The following SPEG variants were observed in gnomAD, a reference collection of about 807,000 sequenced individuals.
The protein encoded by SPEG is striated muscle enriched protein kinase.
SPEG carries 114 observed loss-of-function variants against 300.4 expected under a neutral mutation model. That is an observed-to-expected ratio of 0.38 (90% CI 0.33 to 0.44). The LOEUF (loss-of-function observed/expected upper bound fraction) is 0.44, where lower values mean the gene tolerates loss of function less well. Among genes scored for constraint, SPEG ranks in the 20% least tolerant of loss-of-function variants. The pLI is 1.00. For missense variants in SPEG, 4,201 were observed against 4,586.2 expected (o/e 0.92, Z 2.43); for synonymous variants, 1,964 against 2,018.9 (o/e 0.97, Z 0.73).
rs1694140292 is a variant in SPEG at position 219,493,367 on chromosome 2, A to G, written c.*581A>G. The G allele has an allele frequency of 5.6e-6, 2 of 358,252 alleles. No individual in the cohort carries two copies. Among genetic ancestry groups the G allele is most frequent in the Admixed American group, 3.6e-5 (1 of 27,808 alleles). 22.2% of individuals were successfully genotyped at this position (358,252 alleles called of 1,614,324 possible). ...AGCATCCCTCAGAGGAGAAATGTGGAGAGCTGGAGGCCAGCAGTCACTCAC... is the reference window on the plus strand; with the variant it reads ...AGCATCCCTCAGAGGAGAAATGTGGGGAGCTGGAGGCCAGCAGTCACTCAC... On this transcript the variant is annotated 3_prime_UTR_variant, in exon 41 of 41. Coordinates refer to ENST00000312358, the MANE Select transcript of SPEG (RefSeq NM_005876.5).
chr2:219,460,734 C>A, intron 6 of SPEG: 1 of 982,222 alleles, frequency 1.0e-6, no homozygotes, highest in South Asian at 4.7e-5. Context: ...CAGGCACCAC[C>A]TTCCTAGCCA....
chr2:219,450,986 G>C, intron 4 of SPEG, 150 bp from the exon 5 acceptor site: 1 of 746,576 alleles, frequency 1.3e-6, no homozygotes, highest in Non-Finnish European at 2.1e-6. Context: ...ACATTCAGGA[G>C]GCAGACCCTC....
intron 1 of SPEG, among the ~76,000 whole-genome samples, chr2:219,438,647 C>A (rs76172567): frequency 1.9e-3 from 284 of 152,306 alleles, no homozygotes; most frequent in Non-Finnish European, 2.6e-3. Context: ...AAGAGCAGAC[C>A]TGCACTAAAG....
In SPEG at chr2:219,441,274, G is replaced by A. The variant is rs1374703773; in HGVS notation, c.389-3379G>A. On this transcript the variant is annotated intron_variant, in intron 1 of 40. Transcript: ENST00000312358. The stretch of plus-strand genomic sequence containing the variant: ...ACACTGGCCAACTTTGTGAATAATG[G>A]GGGTACCTCTGTGCACCTTTGCTTG... 4.6e-5 allele frequency among the ~76,000 whole-genome samples: 7 copies of A among 152,152 alleles called. No individual in the cohort carries two copies. In the East Asian group the frequency reaches 1.3e-3, roughly 29 times the overall value.
Position 219,435,201 on chromosome 2 carries a change from G to A in SPEG, c.224G>A (p.Arg75His). ...AGCGGGACGCCCCAGCCCAGCCTCC[G>A]CTGGTTCCGGGATGGGCAGCTCCTG... ...VVSGTPQPSL[R>H]WFRDGQLLPA... The change falls in exon 1 of 41, where the codon CGC becomes CAC. Residue 75 changes from arginine to histidine, a missense_variant. Arg to His is a conservative substitution (Grantham distance 29, BLOSUM62 0). Transcript: ENST00000312358. 1.3e-6 allele frequency: 2 copies of A among 1,481,690 alleles called. No homozygotes were observed. The highest frequency in any genetic ancestry group is 1.3e-5 in the South Asian group (1 of 77,666). 91.8% of individuals were successfully genotyped at this position (1,481,690 alleles called of 1,614,324 possible).
rs2125565599 is a variant in SPEG, at chr2:219,485,369, C to T, written c.7633C>T (p.Leu2545Phe). Residue 2545 changes from leucine (L) to phenylalanine (F), a missense_variant, in exon 31 of 41, where the codon CTC becomes TTC. This residue lies in a region of SPEG where 1,578 missense variants were observed against 1,506.0 expected (regional missense o/e 1.05). Transcript: ENST00000312358. ...SSAPGESRSRLRWGFSRPRKD... is the reference protein window; with the variant it reads ...SSAPGESRSRFRWGFSRPRKD... ...AGCCCCAGGGGAAAGCCGAAGCCGG[C>T]TCCGCTGGGGCTTCTCTCGGCCGCG... is the stretch of plus-strand genomic sequence containing the variant. 1.2e-6 allele frequency: 2 copies of T among 1,606,838 alleles called. No homozygotes were observed. The highest frequency in any genetic ancestry group is 1.1e-5 in the South Asian group (1 of 90,386).
At chr2:219,467,085 G>A (rs1287655794) in intron 9 of SPEG, 89 bp from the exon 10 acceptor site, 1 of 1,423,676 alleles carries the variant, frequency 7.0e-7, no homozygotes, top group Non-Finnish European at 9.4e-7. Flanking sequence ...CTCTGTGTCT[G>A]TCTGTCTCTC....
In SPEG at chr2:219,485,418, C is replaced by T; in HGVS notation, c.7682C>T (p.Pro2561Leu). The change falls in exon 31 of 41, where the codon CCA (proline) becomes CTA (leucine). Residue 2561 changes from proline to leucine, a missense_variant. This residue lies in a region of SPEG where 1,578 missense variants were observed against 1,506.0 expected (regional missense o/e 1.05). Coordinates refer to ENST00000312358, the MANE Select transcript of SPEG (RefSeq NM_005876.5). The part of the protein sequence containing the change: ...RPRKDKGLSP[P>L]NLSASVQEEL... ...CGGAAGGACAAGGGGTTATCGCCAC[C>T]AAACCTCTCTGCCAGCGTCCAGGAG... 6.2e-7 allele frequency: 1 copy of T among 1,606,652 alleles called. No individual in the cohort carries two copies.
intron 6 of SPEG, among the ~76,000 whole-genome samples, chr2:219,457,508 T>C (rs1044659882): frequency 1.4e-4 from 22 of 152,210 alleles, no homozygotes; most frequent in African/African-American, 4.1e-4. Context: ...CGCTTGAACT[T>C]CGGAGGTGGA....
At chr2:219,465,996 T>C (rs1575113341) in intron 9 of SPEG, 1 of 1,441,922 alleles carries the variant, frequency 6.9e-7, no homozygotes, top group South Asian at 1.2e-5. Context: ...TGTGTGCGCG[T>C]GCGTGCGCGT....
chr2:219,439,262 G>T lies in SPEG; in HGVS notation c.388+3897G>T, dbSNP rs1197108417. Reference sequence around the variant, plus strand: ...GCTTACCCTCTCCACCTGCAGCTCTGCCACCCCCTCCCATATTTATTGAGT... The same window carrying T: ...GCTTACCCTCTCCACCTGCAGCTCTTCCACCCCCTCCCATATTTATTGAGT... On this transcript the variant is annotated intron_variant, in intron 1 of 40. Transcript: ENST00000312358. This position sits in a 1 kb window ranked among gnomAD's most constrained non-coding sequence, Gnocchi z 4.5. 6.6e-6 allele frequency among the ~76,000 whole-genome samples: 1 copy of T among 152,152 alleles called. No individual in the cohort carries two copies. Among genetic ancestry groups the T allele is most frequent in the African/African-American group, 2.4e-5 (1 of 41,442 alleles).
At position 219,483,913 on chromosome 2, in the gene SPEG, G is replaced by A. The variant is rs1420764025; in HGVS notation, c.6450G>A (p.Glu2150=). The A allele has an allele frequency of 6.2e-6, 10 of 1,603,146 alleles. No individual in the cohort carries two copies. Among genetic ancestry groups the A allele is most frequent in the Non-Finnish European group, 7.6e-6 (9 of 1,179,242 alleles). ...GRHRRAGAPL[E]IPVARLGARR... The stretch of plus-strand genomic sequence containing the variant: ...ACCGCCGAGCGGGGGCGCCCCTCGA[G>A]ATCCCCGTGGCCAGGCTTGGGGCCC... Residue 2150 remains glutamate, a synonymous_variant, in exon 30 of 41, where the codon GAG becomes GAA. Transcript: ENST00000312358.
Position 219,445,224 on chromosome 2 carries a change from T to TG in SPEG, c.815+63_815+64insG. On this transcript the variant is annotated intron_variant, in intron 3 of 40. Transcript: ENST00000312358. The surrounding 1 kb of genome is among the most constrained non-coding windows in gnomAD (Gnocchi z 6.1). ...CTCACCACGCTGTCCTGCGCTGCCCTCACTGCTCAGTCAGCCTCCACCCAT... is the reference window on the plus strand; with the variant it reads ...CTCACCACGCTGTCCTGCGCTGCCCTGCACTGCTCAGTCAGCCTCCACCCAT... 6.9e-7 allele frequency: 1 copy of TG among 1,441,288 alleles called. No individual in the cohort carries two copies. The highest frequency in any genetic ancestry group is 9.5e-7 in the Non-Finnish European group (1 of 1,048,890). The allele number at this position is 1,441,288 out of a possible 1,614,324, so 89.3% of individuals were successfully genotyped here. A position where few individuals can be genotyped will look rare whatever the true frequency, so the allele number is the denominator to read the frequency against.
At chr2:219,475,176 A>T (rs1692228954) in intron 18 of SPEG, among the ~76,000 whole-genome samples, 1 of 152,108 alleles carries the variant, frequency 6.6e-6, no homozygotes, top group Non-Finnish European at 1.5e-5. Flanking sequence ...TTGGTTTTCT[A>T]ATTTGTTAAT....
chr2:219,485,780 A>G (rs10167337), intron 31 of SPEG, among the ~76,000 whole-genome samples: 84,977 of 152,146 alleles, frequency 0.56, 25,946 homozygotes, highest in East Asian at 0.75. Flanking sequence ...TGTCCAAGTC[A>G]CAGGGCTAGT....
rs868704750 is a variant in SPEG, at chr2:219,492,654, G to A, written c.9672G>A (p.Met3224Ile). 6.2e-7 allele frequency: 1 copy of A among 1,611,286 alleles called. No homozygotes were observed. The highest frequency in any genetic ancestry group is 8.5e-7 in the Non-Finnish European group (1 of 1,180,012). ...CATGGTTGCAGGACGCCTACCTGATGAAGCTGCGCCGCCAGACGCTCACCT... is the reference window on the plus strand; with the variant it reads ...CATGGTTGCAGGACGCCTACCTGATAAAGCTGCGCCGCCAGACGCTCACCT... ...AHPWLQDAYLMKLRRQTLTFT... is the reference protein window; with the variant it reads ...AHPWLQDAYLIKLRRQTLTFT... Residue 3224 changes from methionine to isoleucine, a missense_variant, in exon 41 of 41, where the codon ATG becomes ATA. Coordinates refer to ENST00000312358, the MANE Select transcript of SPEG (RefSeq NM_005876.5).
rs753828803 is a variant in SPEG at position 219,473,936 on chromosome 2, C to A, written c.4447+33C>A. On this transcript the variant is annotated intron_variant, in intron 18 of 40. Coordinates refer to ENST00000312358, the MANE Select transcript of SPEG (RefSeq NM_005876.5). This position sits in a 1 kb window ranked among gnomAD's most constrained non-coding sequence, Gnocchi z 4.6. Reference sequence around the variant, plus strand: ...ACAGCGGGCCTTCTTCCTAGCCTCCCTCCAAGGCCCAAAGCTCTCTACTCA... The same window carrying A: ...ACAGCGGGCCTTCTTCCTAGCCTCCATCCAAGGCCCAAAGCTCTCTACTCA... The A allele has an allele frequency of 2.5e-6, 4 of 1,578,986 alleles. No individual in the cohort carries two copies. In the African/African-American group the frequency reaches 4.0e-5, roughly 16 times the overall value.
chr2:219,488,168 G>C (rs1472045467), intron 31 of SPEG, 26 bp from the exon 32 acceptor site: 1 of 1,543,642 alleles, frequency 6.5e-7, no homozygotes, highest in East Asian at 2.2e-5. Flanking sequence ...CCTACAGATA[G>C]ATGGCTGTCT....
chr2:219,442,190 C>T, intron 1 of SPEG: 1 of 707,950 alleles, frequency 1.4e-6, no homozygotes, highest in Non-Finnish European at 1.9e-6. Context: ...GGCGCTGGAT[C>T]GGCGCCTGCC....
Sources: gnomAD v4.1 joint callset for allele counts (sites outside exome capture counted in the v4.1 genomes callset) on GRCh38, gnomAD v4.1.1 for gene constraint, gnomAD v4.1.1 regional missense constraint, Gnocchi (gnomAD v3.1) non-coding constraint, MANE v1.5 for transcripts, NCBI Gene and HGNC (gene_info 2026-07-23, HGNC 2026-07-21) for gene names.